The following ATP8B3 variants were observed in gnomAD, a reference collection of about 807,000 sequenced individuals.
ATP8B3 encodes ATPase phospholipid transporting 8B3, also known as phospholipid-transporting ATPase IK.
A neutral mutation model predicts 140.9 loss-of-function variants in ATP8B3; 141 were observed. The ratio of observed to expected loss-of-function variants is 1.00; its 90% CI spans 0.87 to 1.15. The LOEUF (loss-of-function observed/expected upper bound fraction) is 1.15. Ranked by LOEUF, ATP8B3 falls within the 50% of genes most tolerant of loss-of-function variation. The pLI, the probability that ATP8B3 is intolerant of heterozygous loss-of-function variation, is 0.00. For synonymous variants in ATP8B3, 765 were observed against 714.6 expected, an observed-to-expected ratio of 1.07 and a Z score of -1.13; for missense variants, 1,874 against 1,740.6, an observed-to-expected ratio of 1.08 and a Z score of -1.36.
In ATP8B3 at chr19:1,801,936, G is replaced by A. The variant is rs2068856059; in HGVS notation, c.1152+20C>T. ...CACTCCTCTGTGTTCCTGGGGCAGG[G>A]GCACTTGTTGGCAGCTCACCACAAC... On this transcript the variant is annotated intron_variant, in intron 12 of 28. Coordinates refer to ENST00000310127, the MANE Select transcript of ATP8B3 (RefSeq NM_138813.4). The A allele has an allele frequency of 6.3e-7, 1 of 1,589,364 alleles. No individual in the cohort carries two copies. The highest frequency in any genetic ancestry group is 1.7e-5 in the Admixed American group (1 of 59,916).
chr19:1,799,899 C>T, intron 14 of ATP8B3, 48 bp downstream of exon 14: 1 of 1,524,600 alleles, frequency 6.6e-7, no homozygotes, highest in Non-Finnish European at 8.9e-7. Context: ...ACCCTGAGCC[C>T]CTTGAAGATC....
chr19:1,787,544 C>T (rs4577217), intron 24 of ATP8B3, among the ~76,000 whole-genome samples: 114,459 of 151,712 alleles, frequency 0.75, 43,181 homozygotes, highest in Middle Eastern at 0.79. Context: ...GCCTGGCCAA[C>T]ACGGTGAAAC....
chr19:1,785,153 G>T lies in ATP8B3; in HGVS notation c.3532+6C>A. 1 of 1,559,282 alleles carries T rather than the reference G, an allele frequency of 6.4e-7. No individual in the cohort carries two copies. On this transcript the variant is annotated splice_donor_region_variant and intron_variant, in intron 27 of 28. Transcript: ENST00000310127. ...CCGCCCGTCCCACTTCCCCATGGGG[G>T]CTCACACAGAAACGGGAAGGTCGTG...
chr19:1,806,660 G>T lies in ATP8B3; in HGVS notation c.645C>A (p.Asn215Lys), dbSNP rs377352805. The change falls in exon 7 of 29, where the codon AAC becomes AAA. Residue 215 changes from asparagine (N) to lysine (K), a missense_variant. Around this residue, in one of 3 missense-constraint regions of ATP8B3, gnomAD observed 1,032 missense variants for 963.6 expected, o/e 1.07. Coordinates refer to ENST00000310127, the MANE Select transcript of ATP8B3 (RefSeq NM_138813.4). The surrounding 1 kb of genome is among the most constrained non-coding windows in gnomAD (Gnocchi z 5.6). ...CCATCAGAATCTGGCAGGGTCTGTT[G>T]TTGATGGCTCTGTCACTCTTGTGTC... The part of the protein sequence containing the change: ...MGRHKSDRAI[N>K]NRPCQILMGK... 7 of 1,565,686 alleles carry T rather than the reference G, an allele frequency of 4.5e-6. No individual in the cohort carries two copies. The African/African-American group carries it at 9.5e-5, about 21-fold the overall frequency.
rs751941429 is a variant in ATP8B3 at position 1,789,594 on chromosome 19, C to T, written c.2612G>A (p.Arg871Gln). The T allele has an allele frequency of 1.5e-5, 24 of 1,593,394 alleles. No individual in the cohort carries two copies. The Admixed American group carries it at 1.9e-4, about 13-fold the overall frequency. The change falls in exon 23 of 29, where the codon CGG becomes CAG. Residue 871 changes from arginine to glutamine, a missense_variant. Around this residue, in one of 3 missense-constraint regions of ATP8B3, gnomAD observed 840 missense variants for 760.9 expected, o/e 1.10. Transcript: ENST00000310127. The part of the protein sequence containing the change: ...LYARRLSLLC[R>Q]RFGLPLAAPP... ...TGCAGCCAGCGGGAGCCCGAACCTC[C>T]GGCACAGCAGGGACAGGCGCCTGGC...
chr19:1,786,896 G>T (rs1407098370), intron 25 of ATP8B3, among the ~76,000 whole-genome samples: 4 of 152,224 alleles, frequency 2.6e-5, no homozygotes, highest in African/African-American at 9.6e-5. Flanking sequence ...ACACACAGGA[G>T]GAGCTGGATG....
chr19:1,785,408 CA>C (rs2048282385), intron 26 of ATP8B3, 60 bp downstream of exon 26: 3 of 1,581,536 alleles, frequency 1.9e-6, no homozygotes, highest in Non-Finnish European at 2.6e-6. Context: ...CAGGGGTCCC[CA>C]GGGGAGGAGG....
intron 4 of ATP8B3, 39 bp from the exon 5 acceptor site, chr19:1,808,374 C>T: frequency 6.5e-7 from 1 of 1,528,458 alleles, no homozygotes; most frequent in Non-Finnish European, 9.0e-7. Flanking sequence ...AGAGGGGTGC[C>T]ATCCAGGCCA....
At position 1,806,525 on chromosome 19, in the gene ATP8B3, A is replaced by G. The variant is rs1421723596; in HGVS notation, c.677+103T>C. On this transcript the variant is annotated intron_variant, in intron 7 of 28. Coordinates refer to ENST00000310127, the MANE Select transcript of ATP8B3 (RefSeq NM_138813.4). This position sits in a 1 kb window ranked among gnomAD's most constrained non-coding sequence, Gnocchi z 5.6. ...CCTGTCGGACTCAACCAGCCGGGAG[A>G]TCAGGGAGCACGGAAGGTGATGGAC... is the stretch of plus-strand genomic sequence containing the variant. 5.9e-6 allele frequency: 9 copies of G among 1,519,240 alleles called. No homozygotes were observed. Among genetic ancestry groups the G allele is most frequent in the Non-Finnish European group, 7.0e-6 (8 of 1,134,848 alleles). The allele number at this position is 1,519,240 out of a possible 1,614,324, so 94.1% of individuals were successfully genotyped here.
intron 25 of ATP8B3, among the ~76,000 whole-genome samples, chr19:1,786,717 T>A (rs1376133499): frequency 6.6e-6 from 1 of 152,202 alleles, no homozygotes; most frequent in Admixed American, 6.5e-5. Flanking sequence ...ACTTCCATCA[T>A]CTGGAACGTT....
At chr19:1,810,521 C>A (rs1264844464) in intron 3 of ATP8B3, 101 bp downstream of exon 3, 2 of 1,231,868 alleles carry the variant, frequency 1.6e-6, no homozygotes, top group Non-Finnish European at 2.2e-6. Flanking sequence ...GCCTCAGCCT[C>A]CCAAAGTGCC....
rs755328810 is a variant in ATP8B3 at position 1,784,854 on chromosome 19, C to T, written c.3625G>A (p.Val1209Ile). 3 of 1,610,792 alleles carry T rather than the reference C, an allele frequency of 1.9e-6. No individual in the cohort carries two copies. Among genetic ancestry groups the T allele is most frequent in the Middle Eastern group, 1.7e-4 (1 of 6,056 alleles). Reference sequence around the variant, plus strand: ...AGCTCCTTGAGGGCTGGGAAGATGACTCGGAGGGCCAGGACAGGGAAGGTG... The same window carrying T: ...AGCTCCTTGAGGGCTGGGAAGATGATTCGGAGGGCCAGGACAGGGAAGGTG... Reference protein sequence around the residue: ...INTFPVLALRVIFPALKELRA... With the variant: ...INTFPVLALRIIFPALKELRA... The change falls in exon 28 of 29, where the codon GTC (valine) becomes ATC (isoleucine). Residue 1209 changes from valine (V) to isoleucine (I), a missense_variant. Val to Ile is a conservative substitution (Grantham distance 29). This residue lies in a region of ATP8B3 where 840 missense variants were observed against 760.9 expected (regional missense o/e 1.10). Coordinates refer to ENST00000310127, the MANE Select transcript of ATP8B3 (RefSeq NM_138813.4).
chr19:1,782,915 C>A lies in ATP8B3; in HGVS notation c.*113G>T. 7.3e-7 allele frequency: 1 copy of A among 1,376,876 alleles called. No homozygotes were observed. Among genetic ancestry groups the A allele is most frequent in the Non-Finnish European group, 9.8e-7 (1 of 1,019,848 alleles). 85.3% of individuals were successfully genotyped at this position (1,376,876 alleles called of 1,614,324 possible). On this transcript the variant is annotated 3_prime_UTR_variant, in exon 29 of 29. Coordinates refer to ENST00000310127, the MANE Select transcript of ATP8B3 (RefSeq NM_138813.4). Reference sequence around the variant, plus strand: ...GTTTTCTGGATGAAGAGCGGATTGTCTATCCATAGAAAATGATGAGCTAGG... The same window carrying A: ...GTTTTCTGGATGAAGAGCGGATTGTATATCCATAGAAAATGATGAGCTAGG...
intron 3 of ATP8B3, among the ~76,000 whole-genome samples, 180 bp from the exon 4 acceptor site, chr19:1,809,914 C>A (rs753156322): frequency 6.6e-6 from 1 of 152,224 alleles, no homozygotes; most frequent in Non-Finnish European, 1.5e-5. Context: ...CCAGACCCTG[C>A]CCATAGTTGG....
At chr19:1,791,277 C>T (rs1187421661) in intron 20 of ATP8B3, among the ~76,000 whole-genome samples, 3 of 151,754 alleles carry the variant, frequency 2.0e-5, no homozygotes, top group Non-Finnish European at 4.4e-5. Context: ...GTGGCGCAAT[C>T]ACGGCTCACT....
Position 1,788,877 on chromosome 19 carries a change from A to T in ATP8B3, c.3069+20T>A. 6.4e-7 allele frequency: 1 copy of T among 1,563,296 alleles called. No individual in the cohort carries two copies. Among genetic ancestry groups the T allele is most frequent in the Non-Finnish European group, 8.7e-7 (1 of 1,153,938 alleles). ...TCCCCAGAGGCCCTGGTCATGGGGCAGCCAGGGTGGGGGACGCACCTGGCC... is the reference window on the plus strand; with the variant it reads ...TCCCCAGAGGCCCTGGTCATGGGGCTGCCAGGGTGGGGGACGCACCTGGCC... On this transcript the variant is annotated intron_variant, in intron 24 of 28. Coordinates refer to ENST00000310127, the MANE Select transcript of ATP8B3 (RefSeq NM_138813.4).
intron 23 of ATP8B3, 36 bp downstream of exon 23, chr19:1,789,325 G>C: frequency 7.5e-7 from 1 of 1,336,948 alleles, no homozygotes; most frequent in South Asian, 1.5e-5. Context: ...CCCCCCACTC[G>C]TCCCAGGCAC....
intron 18 of ATP8B3, among the ~76,000 whole-genome samples, chr19:1,792,726 A>G (rs1398406124): frequency 1.3e-5 from 2 of 152,002 alleles, no homozygotes; most frequent in Admixed American, 6.6e-5. Context: ...AGCTTAACCA[A>G]TACGGTGAAA....
At position 1,784,800 on chromosome 19, in the gene ATP8B3, A is replaced by C; in HGVS notation, c.3660+19T>G. On this transcript the variant is annotated intron_variant, in intron 28 of 28. Coordinates refer to ENST00000310127, the MANE Select transcript of ATP8B3 (RefSeq NM_138813.4). ...CTGGAATGTACCAGATGAGGACCCCAGGCCCAGGCCCACCTCACCTTGGCA... is the reference window on the plus strand; with the variant it reads ...CTGGAATGTACCAGATGAGGACCCCCGGCCCAGGCCCACCTCACCTTGGCA... The C allele has an allele frequency of 6.3e-7, 1 of 1,582,744 alleles. No individual in the cohort carries two copies. Among genetic ancestry groups the C allele is most frequent in the Non-Finnish European group, 8.6e-7 (1 of 1,165,182 alleles).
Sources: gnomAD v4.1 joint callset for allele counts (sites outside exome capture counted in the v4.1 genomes callset) on GRCh38, gnomAD v4.1.1 for gene constraint, gnomAD v4.1.1 regional missense constraint, Gnocchi (gnomAD v3.1) non-coding constraint, MANE v1.5 for transcripts, NCBI Gene and HGNC (gene_info 2026-07-23, HGNC 2026-07-21) for gene names.